CACNA1E: variants seen among roughly 807,000 people sequenced by gnomAD.
CACNA1E encodes voltage-dependent R-type calcium channel subunit alpha-1E.
CACNA1E carries 40 observed loss-of-function variants against 259.2 expected under a neutral mutation model. The observed-to-expected ratio is 0.15, with a 90% confidence interval of 0.12 to 0.20. CACNA1E has a LOEUF of 0.20. Ranked by LOEUF, CACNA1E falls within the 10% of genes least tolerant of loss-of-function variation. The probability of loss-of-function intolerance (pLI) is 1.00; values close to 1 mark genes in which losing one functional copy is unlikely to be tolerated. For synonymous variants in CACNA1E, 1,104 were observed against 1,138.5 expected (o/e 0.97, Z 0.61); for missense variants, 1,874 against 3,040.1 (o/e 0.62, Z 9.02).
chr1:181,655,573 G>A (rs1419158592), intron 7 of CACNA1E, among the ~76,000 whole-genome samples: 1 of 152,136 alleles, frequency 6.6e-6, no homozygotes, highest in African/African-American at 2.4e-5. Context: ...TTTTGAAAAA[G>A]TTACTGGTGA....
intron 6 of CACNA1E, among the ~76,000 whole-genome samples, chr1:181,581,407 T>C (rs1416836943): frequency 1.3e-5 from 2 of 152,172 alleles, no homozygotes; most frequent in East Asian, 1.9e-4. Context: ...CCAGGGGTGC[T>C]TGTTGAAAAT....
chr1:181,459,775 G>A (rs1661685086), intron 2 of CACNA1E, among the ~76,000 whole-genome samples: 1 of 152,154 alleles, frequency 6.6e-6, no homozygotes, highest in Non-Finnish European at 1.5e-5. Context: ...TTACCCTGGA[G>A]CTTCCCTATT....
At chr1:181,680,105 C>CAA (rs56198008) in intron 7 of CACNA1E, among the ~76,000 whole-genome samples, 9 of 78,500 alleles carry the variant, frequency 1.1e-4, no homozygotes, top group Non-Finnish European at 1.9e-4. Flanking sequence ...GACCTTGTCT[C>CAA]AAAAAAAAAA....
intron 1 of CACNA1E, among the ~76,000 whole-genome samples, chr1:181,341,133 C>T (rs1652111697): frequency 6.6e-6 from 1 of 152,124 alleles, no homozygotes; most frequent in African/African-American, 2.4e-5. Context: ...CCTAGTCCAC[C>T]TCCGAGAGGA....
chr1:181,516,855 A>AG (rs773304476), intron 3 of CACNA1E, among the ~76,000 whole-genome samples: 2 of 152,228 alleles, frequency 1.3e-5, no homozygotes, highest in Non-Finnish European at 2.9e-5. Context: ...GAGTTTTGTC[A>AG]GCCTTGCGTG....
intron 3 of CACNA1E, among the ~76,000 whole-genome samples, chr1:181,524,434 C>A (rs1430396745): frequency 6.6e-6 from 1 of 152,192 alleles, no homozygotes; most frequent in Non-Finnish European, 1.5e-5. Context: ...TTTTTAAAAT[C>A]TAAAATACCT....
At chr1:181,612,513 G>A (rs1287348812) in intron 6 of CACNA1E, among the ~76,000 whole-genome samples, 1 of 152,214 alleles carries the variant, frequency 6.6e-6, no homozygotes, top group Non-Finnish European at 1.5e-5. Flanking sequence ...TGACATTGAG[G>A]GCTGGACTCT....
At chr1:181,508,344 C>T (rs1185831312) in intron 1 of CACNA1E, among the ~76,000 whole-genome samples, 1 of 152,192 alleles carries the variant, frequency 6.6e-6, no homozygotes, top group Non-Finnish European at 1.5e-5. Context: ...ACTCTCAACG[C>T]TCTCAACTTC....
intron 2 of CACNA1E, among the ~76,000 whole-genome samples, chr1:181,456,254 G>C (rs938765110): frequency 6.6e-6 from 1 of 152,142 alleles, no homozygotes. Flanking sequence ...AGGAGGGATG[G>C]GCAGGTGAGT....
chr1:181,474,385 C>A (rs984389408), intron 2 of CACNA1E, among the ~76,000 whole-genome samples: 1 of 152,172 alleles, frequency 6.6e-6, no homozygotes, highest in Non-Finnish European at 1.5e-5. Flanking sequence ...TTCCACCTTT[C>A]CAATTTGTAA....
chr1:181,572,047 G>T (rs1650465849), intron 3 of CACNA1E, among the ~76,000 whole-genome samples: 1 of 152,202 alleles, frequency 6.6e-6, no homozygotes. Context: ...TTATTTATCT[G>T]AAATTCAAAC....
At chr1:181,583,565 A>C (rs1651767099) in intron 6 of CACNA1E, among the ~76,000 whole-genome samples, 1 of 152,178 alleles carries the variant, frequency 6.6e-6, no homozygotes, top group Non-Finnish European at 1.5e-5. Flanking sequence ...TTTATATGCA[A>C]TGTAAATGCT....
chr1:181,774,176 A>C (rs1659765904), intron 37 of CACNA1E, among the ~76,000 whole-genome samples: 1 of 152,278 alleles, frequency 6.6e-6, no homozygotes, highest in Admixed American at 6.5e-5. Context: ...GTGACTGCAC[A>C]CGCTACACTC....
intron 1 of CACNA1E, among the ~76,000 whole-genome samples, chr1:181,410,517 G>C (rs1657769492): frequency 6.6e-6 from 1 of 152,200 alleles, no homozygotes; most frequent in Admixed American, 6.5e-5. Context: ...TAGGGCTCCA[G>C]GGGCGTCCGA....
intron 2 of CACNA1E, among the ~76,000 whole-genome samples, chr1:181,470,388 A>ATTCTCTATG (rs564093865): frequency 6.6e-6 from 1 of 151,932 alleles, no homozygotes; most frequent in African/African-American, 2.4e-5. Context: ...GTAGAGGCAG[A>ATTCTCTATG]TTCTCTATGT....
chr1:181,764,212 A>G (rs937603293), intron 34 of CACNA1E, among the ~76,000 whole-genome samples: 56 of 152,206 alleles, frequency 3.7e-4, no homozygotes, highest in African/African-American at 1.3e-3. Flanking sequence ...TTTGAGTAAA[A>G]GTTTCTTAAA....
intron 6 of CACNA1E, among the ~76,000 whole-genome samples, chr1:181,586,078 T>G (rs1440553968): frequency 2.6e-5 from 4 of 151,950 alleles, no homozygotes; most frequent in Non-Finnish European, 5.9e-5. Context: ...GCCAGGGAGG[T>G]AGCAGCGGAG....
In CACNA1E at chr1:181,440,983, CAAAAAAAAAAAAAAAA is replaced by C. The variant is rs60257271; in HGVS notation, c.434+27424_434+27439del. On this transcript the variant is annotated intron_variant, in intron 2 of 11. Coordinates refer to the CACNA1E transcript ENST00000524607. ...GTGAGAGAGCGAGACGACCTTGTTT[CAAAAAAAAAAAAAAAA>C]AAAAAAAAAAAAAAAAAAAAGCGCC... is the stretch of plus-strand genomic sequence containing the variant. 3.4e-4 allele frequency among the ~76,000 whole-genome samples: 13 copies of C among 38,192 alleles called. 1 individual carries two copies. The South Asian group carries it at 8.0e-3, about 24-fold the overall frequency. 25.1% of individuals were successfully genotyped at this position (38,192 alleles called of 152,430 possible).
At chr1:181,476,876 C>T (rs1662891070) in intron 2 of CACNA1E, among the ~76,000 whole-genome samples, 1 of 152,090 alleles carries the variant, frequency 6.6e-6, no homozygotes, top group African/African-American at 2.4e-5. Flanking sequence ...CAAGGTTGGG[C>T]CCTGAGGGTG....
Sources: gnomAD v4.1 joint callset for allele counts (sites outside exome capture counted in the v4.1 genomes callset) on GRCh38, gnomAD v4.1.1 for gene constraint, MANE v1.5 for transcripts, NCBI Gene and HGNC (gene_info 2026-07-23, HGNC 2026-07-21) for gene names.